CEP57L1: variants seen among roughly 807,000 people sequenced by gnomAD.
The protein encoded by CEP57L1 is centrosomal protein 57 like 1.
Under a neutral mutation model 61.0 loss-of-function variants are expected in CEP57L1, and 37 were observed. The ratio of observed to expected loss-of-function variants is 0.61; its 90% CI spans 0.47 to 0.80. The LOEUF is 0.80. Among genes scored for constraint, CEP57L1 ranks in the 30% least tolerant of loss-of-function variants. The probability of loss-of-function intolerance (pLI) is 0.00; values close to 1 mark genes in which losing one functional copy is unlikely to be tolerated. For missense variants in CEP57L1, 422 were observed against 524.7 expected, an observed-to-expected ratio of 0.80 and a Z score of 1.91; for synonymous variants, 137 against 162.3, an observed-to-expected ratio of 0.84 and a Z score of 1.19.
intron 1 of CEP57L1, chr6:109,130,593 G>A (rs1774061975): frequency 6.7e-6 from 1 of 148,380 alleles, no homozygotes; most frequent in African/African-American, 2.5e-5. Flanking sequence ...ATATGCAGAA[G>A]TGTGATTGTC....
At chr6:109,104,220 G>C (rs1770654806) in intron 1 of CEP57L1, among the ~76,000 whole-genome samples, 1 of 151,704 alleles carries the variant, frequency 6.6e-6, no homozygotes, top group African/African-American at 2.4e-5. Flanking sequence ...GCTAAATGTA[G>C]ATCTTGTTTT....
At chr6:109,146,608 CATT>C (rs1299935723) in intron 2 of CEP57L1, 147 bp from the exon 3 acceptor site, 9 of 533,826 alleles carry the variant, frequency 1.7e-5, no homozygotes, top group African/African-American at 6.0e-5. Context: ...AAGTGTTAGT[CATT>C]ATTTTTCATT....
At chr6:109,138,379 T>A (rs1770971570) in intron 1 of CEP57L1, among the ~76,000 whole-genome samples, 1 of 152,100 alleles carries the variant, frequency 6.6e-6, no homozygotes, top group South Asian at 2.1e-4. Context: ...ATTTTGAAGG[T>A]AGAGCTAGTA....
chr6:109,160,854 T>G, intron 10 of CEP57L1, 138 bp downstream of exon 10: 1 of 731,686 alleles, frequency 1.4e-6, no homozygotes, highest in Non-Finnish European at 2.1e-6. Flanking sequence ...CTTAGGCCTA[T>G]GACAGAATAG....
In CEP57L1 at chr6:109,135,468, A is replaced by G. The variant is rs529013199; in HGVS notation, c.-3-9751A>G. Among the ~76,000 whole-genome samples, 3 of 152,356 alleles carry G rather than the reference A, an allele frequency of 2.0e-5. No individual in the cohort carries two copies. In the East Asian group the frequency reaches 5.8e-4, roughly 29 times the overall value. Reference sequence around the variant, plus strand: ...CCTAAAACCATAAAAACCCTAGAAGAAAACCTAGGCAATACCATTCAGGAC... The same window carrying G: ...CCTAAAACCATAAAAACCCTAGAAGGAAACCTAGGCAATACCATTCAGGAC... On this transcript the variant is annotated intron_variant, in intron 1 of 10. Transcript: ENST00000517392.
At chr6:109,128,082 C>T (rs1335009084) in intron 1 of CEP57L1, among the ~76,000 whole-genome samples, 5 of 152,268 alleles carry the variant, frequency 3.3e-5, no homozygotes, top group South Asian at 4.1e-4. Flanking sequence ...TTTATACTGT[C>T]CTTGGGTGAT....
chr6:109,147,129 T>A lies in CEP57L1; in HGVS notation c.340+192T>A, dbSNP rs115054987. 7.9e-3 allele frequency among the ~76,000 whole-genome samples: 1,208 copies of A among 152,252 alleles called. 20 individuals are homozygous for A. Among genetic ancestry groups the A allele is most frequent in the African/African-American group, 0.028 (1,158 of 41,574 alleles). On this transcript the variant is annotated intron_variant, in intron 3 of 10. Coordinates refer to ENST00000517392, the MANE Select transcript of CEP57L1 (RefSeq NM_001271852.3). Reference sequence around the variant, plus strand: ...TTTTGAACTTACCTCTATCATATCTTACTTATCATAATTCATAAATTCTAG... The same window carrying A: ...TTTTGAACTTACCTCTATCATATCTAACTTATCATAATTCATAAATTCTAG...
chr6:109,126,510 C>T (rs1243593576), intron 1 of CEP57L1, among the ~76,000 whole-genome samples: 2 of 152,062 alleles, frequency 1.3e-5, no homozygotes, highest in Non-Finnish European at 2.9e-5. Context: ...AAAAAATAGA[C>T]TATAATTATA....
At chr6:109,124,943 G>A (rs1773372312) in intron 1 of CEP57L1, 1 of 152,174 alleles carries the variant, frequency 6.6e-6, no homozygotes, top group Non-Finnish European at 1.5e-5. Flanking sequence ...ATCTCTGAAT[G>A]TTTAATGAAT....
rs1774372210 is a variant in CEP57L1, at chr6:109,170,943, C to G, written c.*7973C>G. Among the ~76,000 whole-genome samples the G allele has an allele frequency of 6.6e-6, 1 of 152,076 alleles. No individual in the cohort carries two copies. Among genetic ancestry groups the G allele is most frequent in the South Asian group, 2.1e-4 (1 of 4,828 alleles). On this transcript the variant is annotated 3_prime_UTR_variant, in exon 11 of 11. Coordinates refer to ENST00000517392, the MANE Select transcript of CEP57L1 (RefSeq NM_001271852.3). ...GTTACTTTAAAGATATCTGCTTTTACTTTAATCTAAAAAATAATTGATTTT... is the reference window on the plus strand; with the variant it reads ...GTTACTTTAAAGATATCTGCTTTTAGTTTAATCTAAAAAATAATTGATTTT...
chr6:109,112,746 T>G (rs1771811379), intron 1 of CEP57L1, among the ~76,000 whole-genome samples: 1 of 152,232 alleles, frequency 6.6e-6, no homozygotes, highest in South Asian at 2.1e-4. Context: ...ACATCTTTAT[T>G]TCTGGCAGAA....
At chr6:109,147,044 A>G (rs964667555) in intron 3 of CEP57L1, 107 bp downstream of exon 3, 3 of 859,134 alleles carry the variant, frequency 3.5e-6, no homozygotes, top group East Asian at 3.2e-5. Flanking sequence ...ATTCTTATAT[A>G]TATTCAAACT....
At chr6:109,117,847 C>T (rs1424394446) in intron 1 of CEP57L1, among the ~76,000 whole-genome samples, 1 of 152,162 alleles carries the variant, frequency 6.6e-6, no homozygotes, top group Non-Finnish European at 1.5e-5. Context: ...TACATTTCGA[C>T]ATCATAGGCT....
rs1212312624 is a variant in CEP57L1 at position 109,172,546 on chromosome 6, T to C, written c.*9576T>C. 6.6e-6 allele frequency among the ~76,000 whole-genome samples: 1 copy of C among 152,242 alleles called. No homozygotes were observed. Among genetic ancestry groups the C allele is most frequent in the Non-Finnish European group, 1.5e-5 (1 of 68,028 alleles). ...ACATTTCTTTGGAATGTGAAAAGTT[T>C]ACACAATCAAGACTTGCTATGTTGA... is the stretch of plus-strand genomic sequence containing the variant. On this transcript the variant is annotated 3_prime_UTR_variant, in exon 11 of 11. Transcript: ENST00000517392.
At chr6:109,137,946 G>A (rs1032179471) in intron 1 of CEP57L1, among the ~76,000 whole-genome samples, 4 of 152,236 alleles carry the variant, frequency 2.6e-5, no homozygotes, top group Non-Finnish European at 5.9e-5. Context: ...CAATTGAGCA[G>A]AGACCTGAAG....
At chr6:109,137,692 A>G (rs1770899300) in intron 1 of CEP57L1, among the ~76,000 whole-genome samples, 1 of 152,228 alleles carries the variant, frequency 6.6e-6, no homozygotes, top group African/African-American at 2.4e-5. Flanking sequence ...TTATTCAACA[A>G]GTATTTTTGA....
intron 1 of CEP57L1, among the ~76,000 whole-genome samples, chr6:109,133,763 A>G (rs963118643): frequency 2.0e-4 from 30 of 152,256 alleles, no homozygotes; most frequent in Admixed American, 6.5e-5. Context: ...ACAAACTGCC[A>G]TCAGAGAATA....
chr6:109,152,371 A>G (rs896240112), intron 4 of CEP57L1, among the ~76,000 whole-genome samples: 2 of 152,084 alleles, frequency 1.3e-5, no homozygotes, highest in African/African-American at 4.8e-5. Context: ...TAGTAGAGAC[A>G]GGGTTTTGCC....
chr6:109,168,637 C>A lies in CEP57L1; in HGVS notation c.*5667C>A, dbSNP rs2114989312. On this transcript the variant is annotated 3_prime_UTR_variant, in exon 11 of 11. Transcript: ENST00000517392. ...TGAGATTGGAGTCTCGCTCCTTCAC[C>A]CAGGCTGGAGTGCAATGGTACAATC... Among the ~76,000 whole-genome samples, 1 of 149,128 alleles carries A rather than the reference C, an allele frequency of 6.7e-6. No homozygotes were observed. The highest frequency in any genetic ancestry group is 2.2e-4 in the South Asian group (1 of 4,624).
Sources: allele counts gnomAD v4.1 joint callset (sites outside exome capture counted in the v4.1 genomes callset), GRCh38; gene constraint gnomAD v4.1.1; transcripts MANE v1.5; gene names NCBI Gene and HGNC (gene_info 2026-07-23, HGNC 2026-07-21).